WASL: variants seen among roughly 807,000 people sequenced by gnomAD.
WASL encodes the protein WASP like actin nucleation promoting factor, also known as actin nucleation-promoting factor WASL.
Under a neutral mutation model 55.5 loss-of-function variants are expected in WASL, and 20 were observed. The observed-to-expected ratio is 0.36, with a 90% CI of 0.25 to 0.52. The LOEUF is 0.52. WASL is among the 20% of genes least tolerant of loss of function. The probability of loss-of-function intolerance (pLI) is 0.92; values close to 1 mark genes in which losing one functional copy is unlikely to be tolerated. For synonymous variants in WASL, 249 were observed against 217.6 expected, an observed-to-expected ratio of 1.14 and a Z score of -1.27; for missense variants, 504 against 622.5, an observed-to-expected ratio of 0.81 and a Z score of 2.03.
chr7:123,705,896 CA>C (rs1356525445), intron 4 of WASL, among the ~76,000 whole-genome samples: 6 of 151,880 alleles, frequency 4.0e-5, no homozygotes. Flanking sequence ...TAAAACTTTA[CA>C]AAAAATGCTA....
At chr7:123,710,657 C>T (rs149225498) in intron 1 of WASL, among the ~76,000 whole-genome samples, 709 of 152,262 alleles carry the variant, frequency 4.7e-3, no homozygotes, top group Middle Eastern at 0.01. Flanking sequence ...CAACCTTGAA[C>T]TTCACATACA....
intron 5 of WASL, among the ~76,000 whole-genome samples, chr7:123,699,885 C>T (rs940910987): frequency 2.0e-5 from 3 of 151,904 alleles, no homozygotes; most frequent in African/African-American, 7.3e-5. Context: ...CTAGTTAAAA[C>T]ATTATTTAAG....
intron 1 of WASL, among the ~76,000 whole-genome samples, chr7:123,742,023 T>C (rs1224479015): frequency 6.6e-6 from 1 of 152,168 alleles, no homozygotes; most frequent in Non-Finnish European, 1.5e-5. Context: ...ATAGTATATT[T>C]TAAATAAAAT....
intron 10 of WASL, among the ~76,000 whole-genome samples, chr7:123,685,753 A>T (rs1285693365): frequency 2.0e-5 from 3 of 151,194 alleles, no homozygotes; most frequent in Non-Finnish European, 3.0e-5. Flanking sequence ...AGATTTTATA[A>T]GCATACTTCT....
chr7:123,697,022 TATA>T (rs1803504260), intron 5 of WASL, among the ~76,000 whole-genome samples: 2 of 152,130 alleles, frequency 1.3e-5, no homozygotes, highest in Admixed American at 1.3e-4. Context: ...AGAATTTAAA[TATA>T]ATTAGTCTAA....
chr7:123,695,468 CA>C (rs1490599887), intron 7 of WASL, among the ~76,000 whole-genome samples: 1 of 152,088 alleles, frequency 6.6e-6, no homozygotes, highest in Non-Finnish European at 1.5e-5. Context: ...CTGGAGAATT[CA>C]ACAACTGAAT....
intron 1 of WASL, among the ~76,000 whole-genome samples, chr7:123,724,865 C>A (rs965584165): frequency 6.6e-6 from 1 of 152,128 alleles, no homozygotes; most frequent in South Asian, 2.1e-4. Context: ...CCCCTTCATA[C>A]TGTTTTAAAT....
At chr7:123,739,392 C>T (rs1355858591) in intron 1 of WASL, among the ~76,000 whole-genome samples, 3 of 152,232 alleles carry the variant, frequency 2.0e-5, no homozygotes, top group Non-Finnish European at 4.4e-5. Context: ...CTGATATAAA[C>T]ACTCCCCAAC....
chr7:123,713,416 G>A (rs543176340), intron 1 of WASL, among the ~76,000 whole-genome samples: 1 of 152,182 alleles, frequency 6.6e-6, no homozygotes, highest in African/African-American at 2.4e-5. Context: ...GCCTCCTAAA[G>A]TGTAGGGATT....
intron 1 of WASL, among the ~76,000 whole-genome samples, chr7:123,709,805 G>A (rs1367063929): frequency 6.6e-6 from 1 of 152,172 alleles, no homozygotes; most frequent in Non-Finnish European, 1.5e-5. Context: ...ACCCTGGAAG[G>A]CAGATTATAG....
chr7:123,748,785 G>C lies in WASL; in HGVS notation c.-51C>G, dbSNP rs1804492410. The C allele has an allele frequency of 6.9e-7, 1 of 1,440,732 alleles. No individual in the cohort carries two copies. The highest frequency in any genetic ancestry group is 2.9e-5 in the East Asian group (1 of 34,588). The allele number at this position is 1,440,732 out of a possible 1,614,324, so 89.2% of individuals were successfully genotyped here. A position where few individuals can be genotyped will look rare whatever the true frequency, so the allele number is the denominator to read the frequency against. On this transcript the variant is annotated 5_prime_UTR_variant, in exon 1 of 11. Transcript: ENST00000223023. The stretch of plus-strand genomic sequence containing the variant: ...CAGGGCCGTCTCCTCCGGCGAGTGG[G>C]CGAGAGCTCGTTCCCCCTCTCGGTG...
chr7:123,744,038 T>C (rs116798149), intron 1 of WASL, among the ~76,000 whole-genome samples: 144 of 152,334 alleles, frequency 9.5e-4, no homozygotes, highest in African/African-American at 3.4e-3. Context: ...CTACTCAAGG[T>C]GAAATACATT....
At chr7:123,694,228 T>TA (rs1164169401) in intron 8 of WASL, among the ~76,000 whole-genome samples, 1 of 152,144 alleles carries the variant, frequency 6.6e-6, no homozygotes, top group Non-Finnish European at 1.5e-5. Flanking sequence ...TTAAAATAAA[T>TA]ATCAAATCTT....
At position 123,684,206 on chromosome 7, in the gene WASL, TACATTAAGGTTTTTGTCAGTCTC is replaced by T. The variant is rs1803248948; in HGVS notation, c.*290_*312del. The T allele has an allele frequency of 6.4e-6, 1 of 156,698 alleles. No individual in the cohort carries two copies. The highest frequency in any genetic ancestry group is 6.5e-5 in the Admixed American group (1 of 15,386). 9.7% of individuals were successfully genotyped at this position (156,698 alleles called of 1,614,324 possible). A position where few individuals can be genotyped will look rare whatever the true frequency, so the allele number is the denominator to read the frequency against. Reference sequence around the variant, plus strand: ...TTTCCTTCTGGCATTATAAGTAAATTACATTAAGGTTTTTGTCAGTCTCACATATAGTATTTAAACTCCCTTGT... The same window carrying T: ...TTTCCTTCTGGCATTATAAGTAAATTACATATAGTATTTAAACTCCCTTGT... On this transcript the variant is annotated 3_prime_UTR_variant, in exon 11 of 11. Transcript: ENST00000223023.
chr7:123,694,580 G>T, intron 8 of WASL, 135 bp downstream of exon 8: 1 of 784,544 alleles, frequency 1.3e-6, no homozygotes, highest in Admixed American at 3.3e-5. Context: ...CAGTGTGATG[G>T]GCCACATTAG....
Position 123,748,821 on chromosome 7 carries a change from G to C in WASL, c.-87C>G. The C allele has an allele frequency of 8.7e-7, 1 of 1,151,022 alleles. No homozygotes were observed. Among genetic ancestry groups the C allele is most frequent in the Non-Finnish European group, 1.2e-6 (1 of 834,360 alleles). 71.3% of individuals were successfully genotyped at this position (1,151,022 alleles called of 1,614,324 possible). A position where few individuals can be genotyped will look rare whatever the true frequency, so the allele number is the denominator to read the frequency against. ...TTCCCCCTCTCGGTGACAGGGGCGG[G>C]GAGAAGTGGAGTCAGAGGCGCCACA... is the stretch of plus-strand genomic sequence containing the variant. On this transcript the variant is annotated 5_prime_UTR_variant, in exon 1 of 11. Transcript: ENST00000223023.
chr7:123,689,979 CT>C (rs1803372312), intron 9 of WASL, among the ~76,000 whole-genome samples: 1 of 152,048 alleles, frequency 6.6e-6, no homozygotes, highest in African/African-American at 2.4e-5. Context: ...GAGTAAACAC[CT>C]TTTTTAAAAA....
intron 1 of WASL, among the ~76,000 whole-genome samples, chr7:123,726,682 TG>T (rs1355298623): frequency 3.3e-5 from 5 of 152,112 alleles, no homozygotes; most frequent in Non-Finnish European, 7.4e-5. Flanking sequence ...CTGGCCAACA[TG>T]GTGAAACTCT....
At chr7:123,711,762 C>G (rs1803761890) in intron 1 of WASL, among the ~76,000 whole-genome samples, 2 of 152,078 alleles carry the variant, frequency 1.3e-5, no homozygotes, top group South Asian at 4.1e-4. Context: ...TCCTTCTTGT[C>G]TTTCGTAATT....
Sources: gnomAD v4.1 joint callset for allele counts (sites outside exome capture counted in the v4.1 genomes callset) on GRCh38, gnomAD v4.1.1 for gene constraint, MANE v1.5 for transcripts, NCBI Gene and HGNC (gene_info 2026-07-23, HGNC 2026-07-21) for gene names.